The following EML5 variants were observed in gnomAD, a reference collection of about 807,000 sequenced individuals.
EML5 encodes echinoderm microtubule-associated protein-like 5.
In EML5, 120 loss-of-function variants were observed where a neutral mutation model predicts 250.0. The ratio of observed to expected loss-of-function variants is 0.48; its 90% CI spans 0.41 to 0.56. The LOEUF (loss-of-function observed/expected upper bound fraction) is 0.56. Ranked by LOEUF, EML5 falls within the 20% of genes least tolerant of loss-of-function variation. EML5 has a pLI of 0.00. For synonymous variants in EML5, 771 were observed against 806.5 expected (o/e 0.96, Z 0.75); for missense variants, 2,006 against 2,437.6 (o/e 0.82, Z 3.73).
Position 88,647,687 on chromosome 14 carries a change from C to CAAAAAAAAAAAAAAAAAAA in EML5, c.4020-751_4020-733dup, listed in dbSNP as rs34191990. On this transcript the variant is annotated intron_variant, in intron 28 of 43. Transcript: ENST00000554922. ...CCTAGGTAACAGAGTGAGACCGTCTCAAAAAAAAAAAAAAAAAAAAAAAGG... is the reference window on the plus strand; with the variant it reads ...CCTAGGTAACAGAGTGAGACCGTCTCAAAAAAAAAAAAAAAAAAAAAAAAAAAAAAAAAAAAAAAAAAGG... Among the ~76,000 whole-genome samples the CAAAAAAAAAAAAAAAAAAA allele has an allele frequency of 9.0e-4, 44 of 48,756 alleles. 1 individual carries two copies. Among genetic ancestry groups the CAAAAAAAAAAAAAAAAAAA allele is most frequent in the African/African-American group, 3.1e-3 (42 of 13,558 alleles). The allele number at this position is 48,756 out of a possible 152,430, so 32.0% of individuals were successfully genotyped here.
intron 1 of EML5, among the ~76,000 whole-genome samples, chr14:88,769,915 G>T (rs1749684572): frequency 6.6e-6 from 1 of 151,290 alleles, no homozygotes; most frequent in South Asian, 2.1e-4. Context: ...GTTCAGAATT[G>T]GTAGCCCTGT....
intron 7 of EML5, among the ~76,000 whole-genome samples, chr14:88,734,956 A>G (rs2093816229): frequency 6.6e-6 from 1 of 152,174 alleles, no homozygotes; most frequent in African/African-American, 2.4e-5. Flanking sequence ...TCATAAAAAT[A>G]TTTTATGAGA....
intron 25 of EML5, among the ~76,000 whole-genome samples, chr14:88,659,510 C>A (rs2140921689): frequency 6.6e-6 from 1 of 152,284 alleles, no homozygotes; most frequent in Non-Finnish European, 1.5e-5. Context: ...CTGCGCCCAG[C>A]AGGAATGATG....
intron 39 of EML5, chr14:88,619,027 C>G: frequency 2.5e-6 from 1 of 394,028 alleles, no homozygotes; most frequent in Non-Finnish European, 4.4e-6. Context: ...AATATTTCCC[C>G]AATTGTCATC....
chr14:88,769,509 G>A (rs888232056), intron 1 of EML5, among the ~76,000 whole-genome samples: 3 of 152,122 alleles, frequency 2.0e-5, no homozygotes, highest in Non-Finnish European at 4.4e-5. Context: ...TGTGAGAATG[G>A]ACTAATACAG....
intron 8 of EML5, among the ~76,000 whole-genome samples, chr14:88,722,082 CA>C (rs1479079842): frequency 2.0e-5 from 3 of 152,074 alleles, no homozygotes; most frequent in Non-Finnish European, 1.5e-5. Flanking sequence ...TCACGTCAGT[CA>C]GAATGACAAT....
chr14:88,682,620 C>T (rs2092739314), intron 20 of EML5, among the ~76,000 whole-genome samples: 1 of 152,102 alleles, frequency 6.6e-6, no homozygotes, highest in Admixed American at 6.6e-5. Flanking sequence ...CTCTCTCTCC[C>T]CCCAGCTCGC....
At chr14:88,723,762 C>A (rs1346218394) in intron 8 of EML5, among the ~76,000 whole-genome samples, 2 of 151,876 alleles carry the variant, frequency 1.3e-5, no homozygotes, top group Non-Finnish European at 2.9e-5. Context: ...TGGGGGGACA[C>A]AAAAATAAAT....
intron 21 of EML5, 47 bp downstream of exon 21, chr14:88,681,843 G>T: frequency 6.5e-7 from 1 of 1,536,244 alleles, no homozygotes; most frequent in South Asian, 1.3e-5. Context: ...GTAAAGGTTA[G>T]AAAACTGTGA....
At position 88,627,778 on chromosome 14, in the gene EML5, G is replaced by T; in HGVS notation, c.4399C>A (p.Gln1467Lys). 1 of 1,608,360 alleles carries T rather than the reference G, an allele frequency of 6.2e-7. No homozygotes were observed. Residue 1467 changes from glutamine to lysine, a missense_variant, in exon 34 of 44, where the codon CAG becomes AAG. By Grantham distance (53) the Gln-to-Lys change is moderately conservative. Transcript: ENST00000554922. ...TAGCATCTTAGGATAGATAAAGTCT[G>T]CTTGTTCATTGCATCCCAGATGTGA... is the stretch of plus-strand genomic sequence containing the variant. ...SIHIWDAMNK[Q>K]TLSILRCYHS...
intron 30 of EML5, among the ~76,000 whole-genome samples, chr14:88,643,242 A>G (rs1328160147): frequency 1.3e-5 from 2 of 152,172 alleles, no homozygotes; most frequent in Non-Finnish European, 2.9e-5. Flanking sequence ...ATATAAAGTT[A>G]TGAAAAGGAA....
intron 1 of EML5, among the ~76,000 whole-genome samples, chr14:88,790,460 G>A (rs1423244913): frequency 1.3e-5 from 2 of 152,176 alleles, no homozygotes; most frequent in Non-Finnish European, 2.9e-5. Flanking sequence ...TAAGCGGTGT[G>A]ACATATAACA....
intron 33 of EML5, among the ~76,000 whole-genome samples, chr14:88,629,841 T>C (rs1373448584): frequency 6.6e-6 from 1 of 152,106 alleles, no homozygotes; most frequent in Non-Finnish European, 1.5e-5. Flanking sequence ...TTTCCCCACA[T>C]GTAGCTCCCT....
At position 88,723,828 on chromosome 14, in the gene EML5, T is replaced by TA. The variant is rs1308664313; in HGVS notation, c.1187+2712dup. On this transcript the variant is annotated intron_variant, in intron 8 of 43. Transcript: ENST00000554922. ...TTTTAAAATTGTTAACAGTTTTTATTATGAAGAAAAGATAAGTTTTAAGAA... is the reference window on the plus strand; with the variant it reads ...TTTTAAAATTGTTAACAGTTTTTATTAATGAAGAAAAGATAAGTTTTAAGAA... 2.6e-5 allele frequency among the ~76,000 whole-genome samples: 4 copies of TA among 152,186 alleles called. No homozygotes were observed. In the East Asian group the frequency reaches 7.7e-4, roughly 29 times the overall value.
chr14:88,622,195 A>G (rs916603040), intron 37 of EML5: 5 of 166,300 alleles, frequency 3.0e-5, no homozygotes, highest in African/African-American at 1.2e-4. Flanking sequence ...GTTGCCACCA[A>G]GAATGACAGA....
At chr14:88,750,707 G>T (rs2094080438) in intron 2 of EML5, among the ~76,000 whole-genome samples, 1 of 152,100 alleles carries the variant, frequency 6.6e-6, no homozygotes, top group East Asian at 1.9e-4. Flanking sequence ...TATATAAAAA[G>T]ATACAGAATA....
At chr14:88,647,687 C>CAAAAAAAAAAAAAAAAA (rs34191990) in intron 28 of EML5, among the ~76,000 whole-genome samples, 16 of 48,754 alleles carry the variant, frequency 3.3e-4, no homozygotes, top group African/African-American at 1.1e-3. Flanking sequence ...GAGACCGTCT[C>CAAAAAAAAAAAAAAAAA]AAAAAAAAAA....
chr14:88,697,687 A>T (rs1308763923), intron 14 of EML5, among the ~76,000 whole-genome samples: 1 of 152,160 alleles, frequency 6.6e-6, no homozygotes, highest in Admixed American at 6.5e-5. Context: ...CAACTCCTGA[A>T]ATAATTAATA....
chr14:88,747,240 C>T (rs528698201), intron 2 of EML5, among the ~76,000 whole-genome samples: 24 of 152,060 alleles, frequency 1.6e-4, no homozygotes, highest in African/African-American at 5.1e-4. Flanking sequence ...GTTGAAACCC[C>T]GTCTCTACTA....
Sources: gnomAD v4.1 joint callset for allele counts (sites outside exome capture counted in the v4.1 genomes callset) on GRCh38, gnomAD v4.1.1 for gene constraint, MANE v1.5 for transcripts, NCBI Gene and HGNC (gene_info 2026-07-23, HGNC 2026-07-21) for gene names.